The following SNTB1 variants were observed in gnomAD, a reference collection of about 807,000 sequenced individuals.
SNTB1 encodes the protein syntrophin beta 1.
Under a neutral mutation model 48.9 loss-of-function variants are expected in SNTB1, and 36 were observed. The observed-to-expected ratio is 0.74, with a 90% CI of 0.56 to 0.97. SNTB1 has a LOEUF of 0.97. Ranked by LOEUF, SNTB1 falls within the 50% of genes least tolerant of loss-of-function variation. The probability of loss-of-function intolerance (pLI) is 0.00; values close to 1 mark genes in which losing one functional copy is unlikely to be tolerated. For synonymous variants in SNTB1, 299 were observed against 294.6 expected (o/e 1.01, Z -0.15); for missense variants, 786 against 703.4 (o/e 1.12, Z -1.33).
At chr8:120,795,206 A>T (rs1342542305) in intron 1 of SNTB1, among the ~76,000 whole-genome samples, 1 of 151,922 alleles carries the variant, frequency 6.6e-6, no homozygotes, top group Non-Finnish European at 1.5e-5. Context: ...GTTCAGTTGC[A>T]TAGGTATCAG....
At chr8:120,780,757 T>C (rs1221283339) in intron 1 of SNTB1, among the ~76,000 whole-genome samples, 1 of 152,262 alleles carries the variant, frequency 6.6e-6, no homozygotes, top group Non-Finnish European at 1.5e-5. Context: ...AGTTCATGTT[T>C]AAAATTGAAG....
At chr8:120,549,970 T>G (rs1017130695) in intron 4 of SNTB1, among the ~76,000 whole-genome samples, 8 of 152,144 alleles carry the variant, frequency 5.3e-5, no homozygotes, top group African/African-American at 1.9e-4. Flanking sequence ...GATACAAGAG[T>G]TATTTTCTTA....
chr8:120,796,797 T>G (rs1384603320), intron 1 of SNTB1, among the ~76,000 whole-genome samples: 2 of 152,060 alleles, frequency 1.3e-5, no homozygotes, highest in East Asian at 3.9e-4. Context: ...GGTCTATGTG[T>G]ATAGCATTTC....
intron 2 of SNTB1, among the ~76,000 whole-genome samples, chr8:120,682,889 T>G (rs950753785): frequency 6.7e-6 from 1 of 149,686 alleles, no homozygotes; most frequent in Non-Finnish European, 1.5e-5. Flanking sequence ...AGTTTTTTTT[T>G]TTTTTTTTTT....
chr8:120,571,479 GTTTTTTTTTTTTTTTTTTTTT>G (rs574978297), intron 4 of SNTB1: 29 of 167,084 alleles, frequency 1.7e-4, no homozygotes, highest in African/African-American at 5.3e-4. Context: ...ACTATTGAGG[GTTTTTTTTTTTTTTTTTTTTT>G]TTTTTTTTTT....
intron 1 of SNTB1, among the ~76,000 whole-genome samples, chr8:120,716,292 C>A (rs1818557373): frequency 6.6e-6 from 1 of 152,142 alleles, no homozygotes; most frequent in Admixed American, 6.5e-5. Context: ...TGATTATTGA[C>A]AATTTTCACT....
chr8:120,643,674 A>T (rs1396418782), intron 2 of SNTB1, among the ~76,000 whole-genome samples: 1 of 152,096 alleles, frequency 6.6e-6, no homozygotes, highest in African/African-American at 2.4e-5. Context: ...GTTGATGGGC[A>T]TTTAGGTTGT....
In SNTB1 at chr8:120,811,797, C is replaced by G. The variant is rs1820441659; in HGVS notation, c.47G>C (p.Gly16Ala). The change falls in exon 1 of 7, where the codon GGA becomes GCA. Residue 16 changes from glycine (G) to alanine (A), a missense_variant. Physicochemically the swap from Gly to Ala is moderately conservative, Grantham distance 60. Coordinates refer to ENST00000517992, the MANE Select transcript of SNTB1 (RefSeq NM_021021.4). Reference sequence around the variant, plus strand: ...CCCGCTCCGCTGCGCCCGGCCGCCTCCCGCGCCAGCCGGCCCAGCCGCCGC... The same window carrying G: ...CCCGCTCCGCTGCGCCCGGCCGCCTGCCGCGCCAGCCGGCCCAGCCGCCGC... ...AAAAAGPAGA[G>A]GGRAQRSGLL... 1 of 1,415,842 alleles carries G rather than the reference C, an allele frequency of 7.1e-7. No individual in the cohort carries two copies. Among genetic ancestry groups the G allele is most frequent in the Non-Finnish European group, 9.2e-7 (1 of 1,086,974 alleles). The allele number at this position is 1,415,842 out of a possible 1,614,324, so 87.7% of individuals were successfully genotyped here.
intron 2 of SNTB1, among the ~76,000 whole-genome samples, chr8:120,684,459 T>G (rs771152938): frequency 6.6e-6 from 1 of 152,126 alleles, no homozygotes; most frequent in African/African-American, 2.4e-5. Flanking sequence ...CTAAATCACA[T>G]GTAAGTGAGA....
intron 1 of SNTB1, among the ~76,000 whole-genome samples, chr8:120,791,340 T>C (rs1392547906): frequency 6.6e-6 from 1 of 151,812 alleles, no homozygotes; most frequent in African/African-American, 2.4e-5. Context: ...GAAACCATAA[T>C]AATTCTAGAA....
At chr8:120,802,091 C>T (rs912961379) in intron 1 of SNTB1, among the ~76,000 whole-genome samples, 2 of 152,002 alleles carry the variant, frequency 1.3e-5, no homozygotes, top group African/African-American at 2.4e-5. Context: ...ATATCTTCCA[C>T]GGGATGGCCT....
intron 6 of SNTB1, among the ~76,000 whole-genome samples, chr8:120,539,678 G>A (rs966017833): frequency 3.9e-5 from 6 of 152,152 alleles, no homozygotes; most frequent in Non-Finnish European, 7.4e-5. Flanking sequence ...CCTAATTTAG[G>A]GAAATTGGGA....
At chr8:120,646,824 T>G (rs1817305772) in intron 2 of SNTB1, among the ~76,000 whole-genome samples, 1 of 152,182 alleles carries the variant, frequency 6.6e-6, no homozygotes, top group East Asian at 1.9e-4. Context: ...AAGCTATTGA[T>G]TATTGCCACA....
chr8:120,619,080 C>T (rs1474765123), intron 3 of SNTB1, among the ~76,000 whole-genome samples: 1 of 152,148 alleles, frequency 6.6e-6, no homozygotes, highest in African/African-American at 2.4e-5. Flanking sequence ...AAAAATACTT[C>T]TTCCTTCAAT....
In SNTB1 at chr8:120,698,294, G is replaced by C. The variant is rs201562495; in HGVS notation, c.572-4386C>G. Among the ~76,000 whole-genome samples the C allele has an allele frequency of 9.9e-5, 15 of 152,230 alleles. No individual in the cohort carries two copies. In the East Asian group the frequency reaches 1.9e-3, roughly 20 times the overall value. On this transcript the variant is annotated intron_variant, in intron 1 of 6. Coordinates refer to ENST00000517992, the MANE Select transcript of SNTB1 (RefSeq NM_021021.4). ...TCACTAGTATTGGGAGGAAATCTTA[G>C]CAAAATCCCTAAATGAGTCTTGAAA...
chr8:120,757,326 G>T (rs1475389782), intron 1 of SNTB1, among the ~76,000 whole-genome samples: 1 of 152,158 alleles, frequency 6.6e-6, no homozygotes, highest in Non-Finnish European at 1.5e-5. Flanking sequence ...GAACTCTGTG[G>T]ACTAAAGCAG....
intron 1 of SNTB1, among the ~76,000 whole-genome samples, chr8:120,773,848 TGGTGGAGCTA>T (rs1819682690): frequency 6.6e-6 from 1 of 152,250 alleles, no homozygotes; most frequent in South Asian, 2.1e-4. Flanking sequence ...CATAAGTATG[TGGTGGAGCTA>T]GGCTTTAAAG....
intron 3 of SNTB1, among the ~76,000 whole-genome samples, chr8:120,621,416 G>C (rs142903966): frequency 6.6e-6 from 1 of 152,276 alleles, no homozygotes; most frequent in Admixed American, 6.5e-5. Context: ...GATTTAGTCT[G>C]TTTGTATACA....
chr8:120,553,682 TTC>T lies in SNTB1; in HGVS notation c.1137-4726_1137-4725del, dbSNP rs1815519200. Among the ~76,000 whole-genome samples the T allele has an allele frequency of 2.0e-5, 3 of 152,350 alleles. No homozygotes were observed. In the South Asian group the frequency reaches 6.2e-4, roughly 32 times the overall value. On this transcript the variant is annotated intron_variant, in intron 4 of 6. Coordinates refer to ENST00000517992, the MANE Select transcript of SNTB1 (RefSeq NM_021021.4). ...GCAATTTTATGGCTGATTTTATTTC[TTC>T]TTTTTAAAAAATTCTTAAAATTTTC...
Sources: gnomAD v4.1 joint callset for allele counts (sites outside exome capture counted in the v4.1 genomes callset) on GRCh38, gnomAD v4.1.1 for gene constraint, MANE v1.5 for transcripts, NCBI Gene and HGNC (gene_info 2026-07-23, HGNC 2026-07-21) for gene names.